CATSPERT: variants seen among roughly 807,000 people sequenced by gnomAD.
CATSPERT encodes cation channel sperm-associated targeting subunit tau.
At chr2:201,546,578 A>G in the CATSPERT span, among the ~76,000 whole-genome samples, 1 of 152,174 alleles carries the variant, frequency 6.6e-6, no homozygotes, top group East Asian at 1.9e-4. Context: ...CAAACCTACA[A>G]TGAGATACCA....
At chr2:201,508,183 A>G in the CATSPERT span, among the ~76,000 whole-genome samples, 10 of 152,240 alleles carry the variant, frequency 6.6e-5, no homozygotes, top group Non-Finnish European at 1.3e-4. Context: ...ATCTGGGCTG[A>G]CACAAATAGA....
chr2:201,564,869 C>T, the CATSPERT span, among the ~76,000 whole-genome samples: 2 of 151,820 alleles, frequency 1.3e-5, no homozygotes. Flanking sequence ...CTGAGCTGAC[C>T]GAGACAATAA....
chr2:201,615,897 T>A, the CATSPERT span, among the ~76,000 whole-genome samples: 2 of 152,222 alleles, frequency 1.3e-5, no homozygotes, highest in South Asian at 4.1e-4. Context: ...CCCACAGAAA[T>A]ACAAACTACC....
chr2:201,592,880 T>C, the CATSPERT span, among the ~76,000 whole-genome samples: 1 of 152,216 alleles, frequency 6.6e-6, no homozygotes, highest in Non-Finnish European at 1.5e-5. Context: ...CTTTTTTTCT[T>C]TATTAGTCTT....
the CATSPERT span, among the ~76,000 whole-genome samples, chr2:201,496,398 A>G: frequency 6.6e-6 from 1 of 152,218 alleles, no homozygotes; most frequent in Non-Finnish European, 1.5e-5. Context: ...GCCAGAGTGC[A>G]GTGGCATGAT....
the CATSPERT span, chr2:201,535,748 T>G: frequency 2.2e-6 from 3 of 1,349,120 alleles, no homozygotes; most frequent in Non-Finnish European, 9.5e-7. Context: ...GACATTTGAA[T>G]GCATTTTCGA....
the CATSPERT span, among the ~76,000 whole-genome samples, chr2:201,546,620 A>C: frequency 6.6e-6 from 1 of 152,136 alleles, no homozygotes; most frequent in Admixed American, 6.5e-5. Context: ...TATAATAATA[A>C]TTTTTAGAAG....
the CATSPERT span, chr2:201,487,505 G>A: frequency 9.6e-7 from 1 of 1,044,058 alleles, no homozygotes; most frequent in Non-Finnish European, 1.4e-6. Flanking sequence ...CAAAAGAAGA[G>A]ATCTCCAAAC....
chr2:201,608,875 A>G, the CATSPERT span, among the ~76,000 whole-genome samples: 48 of 151,890 alleles, frequency 3.2e-4, no homozygotes, highest in African/African-American at 1.1e-3. Flanking sequence ...AGAGAAAGAA[A>G]GAAAAATGCA....
the CATSPERT span, among the ~76,000 whole-genome samples, chr2:201,613,124 G>A: frequency 6.6e-6 from 1 of 152,210 alleles, no homozygotes; most frequent in Non-Finnish European, 1.5e-5. Context: ...ACCTCTGGGG[G>A]GCAGGGCATA....
At chr2:201,496,557 G>T in the CATSPERT span, among the ~76,000 whole-genome samples, 2 of 152,270 alleles carry the variant, frequency 1.3e-5, no homozygotes, top group South Asian at 4.1e-4. Context: ...TGGCCAGGCT[G>T]GTCTCGAACT....
the CATSPERT span, chr2:201,565,878 A>T: frequency 6.4e-7 from 1 of 1,572,346 alleles, no homozygotes; most frequent in Non-Finnish European, 8.6e-7. Flanking sequence ...CTTTTCTGCA[A>T]AATAATAATA....
chr2:201,574,781 G>A, the CATSPERT span, among the ~76,000 whole-genome samples: 1 of 151,986 alleles, frequency 6.6e-6, no homozygotes, highest in African/African-American at 2.4e-5. Flanking sequence ...TATGTTCCTA[G>A]CCCCTGTTTT....
At chr2:201,545,407 A>C in the CATSPERT span, 1 of 586,346 alleles carries the variant, frequency 1.7e-6, no homozygotes, top group Non-Finnish European at 2.8e-6. Context: ...CCATATGCCA[A>C]AACTATAGTG....
At chr2:201,505,433 G>T in the CATSPERT span, among the ~76,000 whole-genome samples, 1 of 152,110 alleles carries the variant, frequency 6.6e-6, no homozygotes, top group Non-Finnish European at 1.5e-5. Context: ...TTTTTCCCTA[G>T]TGTCATCCTG....
At chr2:201,531,140 T>C in the CATSPERT span, among the ~76,000 whole-genome samples, 4 of 151,748 alleles carry the variant, frequency 2.6e-5, no homozygotes, top group South Asian at 8.4e-4. Context: ...TTTTGTTTTT[T>C]AGTAGAGACA....
At chr2:201,617,902 A>G in the CATSPERT span, among the ~76,000 whole-genome samples, 3 of 152,232 alleles carry the variant, frequency 2.0e-5, no homozygotes, top group African/African-American at 7.2e-5. Context: ...GGCAAAGTAT[A>G]TGAACAGACA....
chr2:201,595,927 A>G, the CATSPERT span, among the ~76,000 whole-genome samples: 1 of 5,540 alleles, frequency 1.8e-4, no homozygotes, highest in African/African-American at 2.6e-4. Context: ...AAAAAAAAAC[A>G]GATGCTGACG....
the CATSPERT span, among the ~76,000 whole-genome samples, chr2:201,516,414 GGA>G: frequency 1.7e-3 from 257 of 152,328 alleles, 2 homozygotes; most frequent in African/African-American, 6.1e-3. Flanking sequence ...CAAGGCAGCA[GGA>G]GAGAGTGGGT....
Sources: gnomAD v4.1 joint callset for allele counts (sites outside exome capture counted in the v4.1 genomes callset) on GRCh38, gnomAD v4.1.1 for gene constraint, MANE v1.5 for transcripts, NCBI Gene and HGNC (gene_info 2026-07-23, HGNC 2026-07-21) for gene names.